The following EHD3 variants were observed in gnomAD, a reference collection of about 807,000 sequenced individuals.
The protein encoded by EHD3 is EH domain containing 3.
In EHD3, 17 loss-of-function variants were observed where a neutral mutation model predicts 43.0. The observed-to-expected ratio is 0.40, with a 90% CI of 0.27 to 0.59. The LOEUF is 0.59. Ranked by LOEUF, EHD3 falls within the 20% of genes least tolerant of loss-of-function variation. The probability of loss-of-function intolerance (pLI) is 0.49; values close to 1 mark genes in which losing one functional copy is unlikely to be tolerated. For synonymous variants in EHD3, 313 were observed against 289.5 expected (o/e 1.08, Z -0.82); for missense variants, 594 against 705.6 (o/e 0.84, Z 1.79).
intron 1 of EHD3, among the ~76,000 whole-genome samples, chr2:31,239,454 C>A (rs1346441198): frequency 1.3e-5 from 2 of 152,238 alleles, no homozygotes; most frequent in African/African-American, 4.8e-5. Context: ...GTCCGCGTGC[C>A]TCGGCCTGGC....
chr2:31,266,809 C>A lies in EHD3; in HGVS notation c.*105C>A. The A allele has an allele frequency of 7.5e-7, 1 of 1,325,090 alleles. No individual in the cohort carries two copies. The highest frequency in any genetic ancestry group is 1.0e-6 in the Non-Finnish European group (1 of 983,798). The allele number at this position is 1,325,090 out of a possible 1,614,324, so 82.1% of individuals were successfully genotyped here. ...ACACACACACAAACATGCACACACA[C>A]ATATGCATATCTTGACATTGCTCTG... On this transcript the variant is annotated 3_prime_UTR_variant, in exon 6 of 6. Transcript: ENST00000322054. This position sits in a 1 kb window ranked among gnomAD's most constrained non-coding sequence, Gnocchi z 5.1.
Position 31,266,926 on chromosome 2 carries a change from C to T in EHD3, c.*222C>T. ...TCGGGATTAGAAGGACAAGAGCACT[C>T]CCAGGCCCCAGAGTCTAAGCCTAAG... On this transcript the variant is annotated 3_prime_UTR_variant, in exon 6 of 6. Transcript: ENST00000322054. The surrounding 1 kb of genome is among the most constrained non-coding windows in gnomAD (Gnocchi z 5.1). 1 of 577,172 alleles carries T rather than the reference C, an allele frequency of 1.7e-6. No homozygotes were observed. Among genetic ancestry groups the T allele is most frequent in the African/African-American group, 1.9e-5 (1 of 53,594 alleles). The allele number at this position is 577,172 out of a possible 1,614,324, so 35.8% of individuals were successfully genotyped here. A position where few individuals can be genotyped will look rare whatever the true frequency, so the allele number is the denominator to read the frequency against.
intron 3 of EHD3, among the ~76,000 whole-genome samples, chr2:31,251,410 C>T (rs111426783): frequency 1.3e-5 from 2 of 152,294 alleles, no homozygotes; most frequent in African/African-American, 2.4e-5. Context: ...AGCCTGGAGT[C>T]CTCATCCTGT....
chr2:31,253,493 C>T (rs772468824), intron 3 of EHD3, among the ~76,000 whole-genome samples: 6 of 152,228 alleles, frequency 3.9e-5, no homozygotes, highest in Non-Finnish European at 7.3e-5. Context: ...CTTCTGCTCA[C>T]TGAGCCTCAT....
At chr2:31,245,553 A>ATATATATT (rs1446415610) in intron 2 of EHD3, among the ~76,000 whole-genome samples, 9 of 35,050 alleles carry the variant, frequency 2.6e-4, no homozygotes, top group East Asian at 1.7e-3. Flanking sequence ...ATATATATAT[A>ATATATATT]TTTTTTTTTT....
In EHD3 at chr2:31,261,719, G is replaced by A. The variant is rs78848751; in HGVS notation, c.1080+6G>A. ...CCAATCTGAAGAGGATGCAGGTAGC[G>A]AGGGCTGGGGTCTCTAAGACAAGGG... On this transcript the variant is annotated splice_donor_region_variant and intron_variant, in intron 5 of 5. Transcript: ENST00000322054. The A allele has an allele frequency of 5.4e-3, 8,706 of 1,613,752 alleles. 111 individuals are homozygous for A. Among genetic ancestry groups the A allele is most frequent in the East Asian group, 0.039 (1,770 of 44,870 alleles).
intron 3 of EHD3, among the ~76,000 whole-genome samples, chr2:31,251,727 G>A (rs922291603): frequency 6.6e-6 from 1 of 152,142 alleles, no homozygotes; most frequent in African/African-American, 2.4e-5. Context: ...AAATAGGGAT[G>A]TCTGAGCCTC....
intron 3 of EHD3, among the ~76,000 whole-genome samples, chr2:31,258,492 C>G (rs973927402): frequency 2.0e-5 from 3 of 152,158 alleles, no homozygotes; most frequent in South Asian, 4.1e-4. Context: ...GAAATGACAG[C>G]CTTTGAAAGT....
At position 31,248,804 on chromosome 2, in the gene EHD3, T is replaced by A. The variant is rs80217067; in HGVS notation, c.405-567T>A. On this transcript the variant is annotated intron_variant, in intron 2 of 5. Transcript: ENST00000322054. ...GACATAAACAGAGAAGCACAGCCAC[T>A]TGGCCCACAAGGATCAAATCAGAAG... is the stretch of plus-strand genomic sequence containing the variant. 2.4e-4 allele frequency among the ~76,000 whole-genome samples: 37 copies of A among 152,318 alleles called. No individual in the cohort carries two copies. The East Asian group carries it at 6.9e-3, about 29-fold the overall frequency.
chr2:31,249,486 G>C lies in EHD3; in HGVS notation c.502+18G>C, dbSNP rs774612814. 15 of 1,612,440 alleles carry C rather than the reference G, an allele frequency of 9.3e-6. No individual in the cohort carries two copies. Among genetic ancestry groups the C allele is most frequent in the Non-Finnish European group, 1.2e-5 (14 of 1,178,562 alleles). ...CAGCCGGGGTAAGCAACCTGCCTGA[G>C]GGGTGTTGGCTGTGGGCTCCATGGT... On this transcript the variant is annotated intron_variant, in intron 3 of 5. Coordinates refer to ENST00000322054, the MANE Select transcript of EHD3 (RefSeq NM_014600.3).
chr2:31,260,604 G>A lies in EHD3; in HGVS notation c.597G>A (p.Glu199=). 1 of 1,614,202 alleles carries A rather than the reference G, an allele frequency of 6.2e-7. No individual in the cohort carries two copies. Among genetic ancestry groups the A allele is most frequent in the Non-Finnish European group, 8.5e-7 (1 of 1,180,042 alleles). The change falls in exon 4 of 6, where the codon GAG becomes GAA. Residue 199 remains glutamate (E), a synonymous_variant. Coordinates refer to ENST00000322054, the MANE Select transcript of EHD3 (RefSeq NM_014600.3). This position sits in a 1 kb window ranked among gnomAD's most constrained non-coding sequence, Gnocchi z 4.6. ...CCCACAAACTGGACATCTCTGATGAGTTCTCAGAAGTCATCAAAGCCCTCA... is the reference window on the plus strand; with the variant it reads ...CCCACAAACTGGACATCTCTGATGAATTCTCAGAAGTCATCAAAGCCCTCA... The part of the protein sequence containing the change: ...FDAHKLDISD[E]FSEVIKALKN...
chr2:31,257,367 G>A (rs1402521769), intron 3 of EHD3, among the ~76,000 whole-genome samples: 2 of 152,160 alleles, frequency 1.3e-5, no homozygotes, highest in South Asian at 2.1e-4. Flanking sequence ...GGAGTAGTGC[G>A]GGCTGCAGGC....
At chr2:31,238,529 G>A (rs590557) in intron 1 of EHD3, among the ~76,000 whole-genome samples, 20,240 of 152,256 alleles carry the variant, frequency 0.13, 1,519 homozygotes, top group African/African-American at 0.19. Flanking sequence ...GTAATAAAAT[G>A]AACAGTAAAT....
At position 31,260,829 on chromosome 2, in the gene EHD3, G is replaced by C; in HGVS notation, c.822G>C (p.Glu274Asp). The C allele has an allele frequency of 6.2e-7, 1 of 1,614,208 alleles. No homozygotes were observed. The highest frequency in any genetic ancestry group is 8.5e-7 in the Non-Finnish European group (1 of 1,180,046). ...ACAACCGGAAGCTCTTTGAGGCTGA[G>C]GAACAGGACCTATTCAGGGACATCC... is the stretch of plus-strand genomic sequence containing the variant. ...IPDNRKLFEAEEQDLFRDIQS... is the reference protein window; with the variant it reads ...IPDNRKLFEADEQDLFRDIQS... Residue 274 changes from glutamate (E) to aspartate (D), a missense_variant, in exon 4 of 6, where the codon GAG becomes GAC. Glu to Asp is a conservative substitution (Grantham distance 45). Coordinates refer to ENST00000322054, the MANE Select transcript of EHD3 (RefSeq NM_014600.3). This position sits in a 1 kb window ranked among gnomAD's most constrained non-coding sequence, Gnocchi z 4.6.
At chr2:31,250,386 C>G (rs1037133146) in intron 3 of EHD3, among the ~76,000 whole-genome samples, 1 of 151,818 alleles carries the variant, frequency 6.6e-6, no homozygotes, top group Non-Finnish European at 1.5e-5. Flanking sequence ...CCTGCCTCAG[C>G]CTCCCAAGTA....
chr2:31,239,705 A>G (rs1683381925), intron 1 of EHD3, among the ~76,000 whole-genome samples: 1 of 152,184 alleles, frequency 6.6e-6, no homozygotes, highest in Non-Finnish European at 1.5e-5. Context: ...CCTTATCCAT[A>G]AGATGCGAAT....
intron 1 of EHD3, among the ~76,000 whole-genome samples, chr2:31,242,617 A>G (rs1683443528): frequency 6.6e-6 from 1 of 152,174 alleles, no homozygotes; most frequent in African/African-American, 2.4e-5. Flanking sequence ...GGATAATGAC[A>G]AGAAAGATAG....
chr2:31,241,071 T>C (rs1683416082), intron 1 of EHD3, among the ~76,000 whole-genome samples: 1 of 152,176 alleles, frequency 6.6e-6, no homozygotes, highest in African/African-American at 2.4e-5. Flanking sequence ...GATCATATGA[T>C]AGCAGCAGCT....
intron 3 of EHD3, among the ~76,000 whole-genome samples, chr2:31,259,308 C>T (rs1003600649): frequency 5.9e-5 from 9 of 152,158 alleles, no homozygotes; most frequent in African/African-American, 9.7e-5. Flanking sequence ...GTGTGCCCTT[C>T]GACAAATCAC....
Sources: gnomAD v4.1 joint callset for allele counts (sites outside exome capture counted in the v4.1 genomes callset) on GRCh38, gnomAD v4.1.1 for gene constraint, Gnocchi (gnomAD v3.1) non-coding constraint, MANE v1.5 for transcripts, NCBI Gene and HGNC (gene_info 2026-07-23, HGNC 2026-07-21) for gene names.